PCSK2: variants seen among roughly 807,000 people sequenced by gnomAD.
PCSK2 encodes the protein neuroendocrine convertase 2.
A neutral mutation model predicts 69.7 loss-of-function variants in PCSK2; 14 were observed. The ratio of observed to expected loss-of-function variants is 0.20; its 90% CI spans 0.13 to 0.31. The LOEUF (loss-of-function observed/expected upper bound fraction) is 0.31. PCSK2 is among the 10% of genes least tolerant of loss of function. The pLI is 1.00. For synonymous variants in PCSK2, 307 were observed against 320.7 expected, an observed-to-expected ratio of 0.96 and a Z score of 0.46; for missense variants, 544 against 842.5, an observed-to-expected ratio of 0.65 and a Z score of 4.39.
At chr20:17,470,490 C>A (rs2033180901) in intron 11 of PCSK2, among the ~76,000 whole-genome samples, 1 of 152,096 alleles carries the variant, frequency 6.6e-6, no homozygotes, top group Non-Finnish European at 1.5e-5. Flanking sequence ...GATGAGACTG[C>A]AAGAAAGGCT....
chr20:17,445,002 A>T (rs957804071), intron 8 of PCSK2, among the ~76,000 whole-genome samples: 1 of 152,250 alleles, frequency 6.6e-6, no homozygotes, highest in Non-Finnish European at 1.5e-5. Context: ...TCCCAGGCAC[A>T]GGGAATTCTA....
At chr20:17,390,856 A>T (rs2031353954) in intron 5 of PCSK2, among the ~76,000 whole-genome samples, 1 of 152,066 alleles carries the variant, frequency 6.6e-6, no homozygotes, top group Non-Finnish European at 1.5e-5. Context: ...GTGACGTGGC[A>T]GTTCTGCATG....
chr20:17,402,886 G>A (rs1041744663), intron 5 of PCSK2, among the ~76,000 whole-genome samples: 6 of 152,106 alleles, frequency 3.9e-5, no homozygotes, highest in Admixed American at 3.3e-4. Context: ...GAACCTGGGA[G>A]GCGGAGCTTG....
chr20:17,433,861 C>A (rs1313704565), intron 7 of PCSK2, among the ~76,000 whole-genome samples: 7 of 101,696 alleles, frequency 6.9e-5, no homozygotes, highest in Non-Finnish European at 1.2e-4. Flanking sequence ...TCCCTCTCTC[C>A]CTCTCTCTCT....
intron 1 of PCSK2, among the ~76,000 whole-genome samples, chr20:17,252,847 T>C (rs1987038244): frequency 6.6e-6 from 1 of 152,158 alleles, no homozygotes; most frequent in African/African-American, 2.4e-5. Flanking sequence ...GAAACTAAAA[T>C]GTCAATAAAC....
At chr20:17,353,645 T>C (rs2030088118) in intron 2 of PCSK2, among the ~76,000 whole-genome samples, 1 of 152,114 alleles carries the variant, frequency 6.6e-6, no homozygotes, top group Admixed American at 6.5e-5. Context: ...TTACTAGCTA[T>C]ATACTCAAAG....
At chr20:17,390,769 T>C (rs1392104138) in intron 5 of PCSK2, among the ~76,000 whole-genome samples, 1 of 152,202 alleles carries the variant, frequency 6.6e-6, no homozygotes, top group African/African-American at 2.4e-5. Flanking sequence ...GAAGTGTAGA[T>C]AAAATAAAAA....
At chr20:17,360,723 A>G (rs2030363429) in intron 4 of PCSK2, 83 bp downstream of exon 4, 1 of 794,418 alleles carries the variant, frequency 1.3e-6, no homozygotes, top group Non-Finnish European at 2.1e-6. Context: ...TGTTTTGGAG[A>G]TGCTAACCAG....
intron 6 of PCSK2, 55 bp downstream of exon 6, chr20:17,409,394 C>G: frequency 1.6e-6 from 2 of 1,250,342 alleles, no homozygotes; most frequent in Non-Finnish European, 2.4e-6. Flanking sequence ...TTTTATTCTA[C>G]TTTGTTTTGT....
chr20:17,256,395 C>T (rs2122988670), intron 1 of PCSK2, among the ~76,000 whole-genome samples: 1 of 152,184 alleles, frequency 6.6e-6, no homozygotes, highest in South Asian at 2.1e-4. Context: ...AGTCCAACAT[C>T]TGGGCTTCCT....
chr20:17,369,119 C>A, intron 4 of PCSK2, 121 bp from the exon 5 acceptor site: 1 of 785,486 alleles, frequency 1.3e-6, no homozygotes, highest in Non-Finnish European at 2.2e-6. Flanking sequence ...GGGGCACTCA[C>A]CCCCATGGCA....
At chr20:17,227,949 C>A (rs1289980840) in intron 1 of PCSK2, among the ~76,000 whole-genome samples, 1 of 152,130 alleles carries the variant, frequency 6.6e-6, no homozygotes, top group Non-Finnish European at 1.5e-5. Context: ...CGGTGTTTCT[C>A]CCACCCCGCG....
chr20:17,401,995 G>A (rs2031647565), intron 5 of PCSK2, among the ~76,000 whole-genome samples: 1 of 152,098 alleles, frequency 6.6e-6, no homozygotes, highest in African/African-American at 2.4e-5. Flanking sequence ...TTCATGTGTG[G>A]GAATCAGCCT....
intron 2 of PCSK2, among the ~76,000 whole-genome samples, chr20:17,355,996 A>G (rs1451143092): frequency 1.3e-5 from 2 of 152,216 alleles, no homozygotes; most frequent in Non-Finnish European, 2.9e-5. Flanking sequence ...CTCATAAAAT[A>G]CTTGCACATT....
Position 17,355,674 on chromosome 20 carries a change from C to CAGAG in PCSK2, c.283-2646_283-2643dup, listed in dbSNP as rs1164008751. Among the ~76,000 whole-genome samples, 16 of 151,470 alleles carry CAGAG rather than the reference C, an allele frequency of 1.1e-4. No individual in the cohort carries two copies. In the South Asian group the frequency reaches 1.7e-3, roughly 16 times the overall value. On this transcript the variant is annotated intron_variant, in intron 2 of 11. Transcript: ENST00000262545. ...AAACACACACACACACACACACACA[C>CAGAG]AGAGAGAGAGCTATGGGAATATGCT...
intron 6 of PCSK2, among the ~76,000 whole-genome samples, chr20:17,418,636 G>A (rs1033641339): frequency 1.3e-5 from 2 of 152,190 alleles, no homozygotes; most frequent in Non-Finnish European, 2.9e-5. Context: ...AGATAATGCT[G>A]CTACTCTCAG....
chr20:17,246,594 T>C (rs768327703), intron 1 of PCSK2, among the ~76,000 whole-genome samples: 1 of 152,208 alleles, frequency 6.6e-6, no homozygotes, highest in African/African-American at 2.4e-5. Flanking sequence ...AAATGCAGGA[T>C]ATCCTCCAGA....
chr20:17,303,765 G>A (rs1275006393), intron 2 of PCSK2, among the ~76,000 whole-genome samples: 1 of 146,354 alleles, frequency 6.8e-6, no homozygotes, highest in Non-Finnish European at 1.5e-5. Flanking sequence ...TTAGTTGAGG[G>A]GAGTTTTCGC....
At chr20:17,409,405 T>A in intron 6 of PCSK2, 66 bp downstream of exon 6, 1 of 1,131,856 alleles carries the variant, frequency 8.8e-7, no homozygotes, top group Non-Finnish European at 1.3e-6. Flanking sequence ...TTTGTTTTGT[T>A]TCAGGCTTGA....
Sources: gnomAD v4.1 joint callset for allele counts (sites outside exome capture counted in the v4.1 genomes callset) on GRCh38, gnomAD v4.1.1 for gene constraint, MANE v1.5 for transcripts, NCBI Gene and HGNC (gene_info 2026-07-23, HGNC 2026-07-21) for gene names.